Variants in PPP1R12B observed in about 807,000 individuals in gnomAD.
The protein encoded by PPP1R12B is protein phosphatase 1 regulatory subunit 12B.
Under a neutral mutation model 126.1 loss-of-function variants are expected in PPP1R12B, and 76 were observed. That is an observed-to-expected ratio of 0.60 (90% CI 0.50 to 0.73). PPP1R12B has a LOEUF of 0.73. Ranked by LOEUF, PPP1R12B falls within the 30% of genes least tolerant of loss-of-function variation. PPP1R12B has a pLI of 0.00. For missense variants in PPP1R12B, 1,052 were observed against 1,205.1 expected (o/e 0.87, Z 1.88); for synonymous variants, 356 against 434.7 (o/e 0.82, Z 2.25).
intron 1 of PPP1R12B, among the ~76,000 whole-genome samples, chr1:202,366,761 T>G (rs1289169027): frequency 6.6e-6 from 1 of 152,164 alleles, no homozygotes; most frequent in Admixed American, 6.6e-5. Flanking sequence ...GTGGTGCTAT[T>G]AGAGCAAATT....
chr1:202,428,781 A>T (rs2148656072), intron 5 of PPP1R12B, 74 bp from the exon 6 acceptor site: 4 of 1,400,934 alleles, frequency 2.9e-6, no homozygotes, highest in Middle Eastern at 1.8e-4. Context: ...ACTTTTGAAT[A>T]GTTCCCTACT....
chr1:202,426,809 A>G (rs1256280809), intron 4 of PPP1R12B, among the ~76,000 whole-genome samples: 1 of 152,234 alleles, frequency 6.6e-6, no homozygotes, highest in Non-Finnish European at 1.5e-5. Context: ...TAAAATGGAT[A>G]TGCCTAGGAA....
chr1:202,537,554 A>G (rs1289769349), intron 18 of PPP1R12B, among the ~76,000 whole-genome samples: 1 of 152,212 alleles, frequency 6.6e-6, no homozygotes, highest in African/African-American at 2.4e-5. Flanking sequence ...TATAAAATAT[A>G]AAAGAGTTTG....
intron 18 of PPP1R12B, chr1:202,502,599 C>G: frequency 2.2e-6 from 1 of 464,036 alleles, no homozygotes; most frequent in Non-Finnish European, 2.8e-6. Context: ...AATTTACATT[C>G]TAGTGGGGGA....
intron 13 of PPP1R12B, among the ~76,000 whole-genome samples, chr1:202,464,298 A>G (rs1674698689): frequency 6.6e-6 from 1 of 152,182 alleles, no homozygotes; most frequent in Non-Finnish European, 1.5e-5. Context: ...TGATGGGTAA[A>G]TGTTTATTGA....
At chr1:202,562,652 T>A in intron 19 of PPP1R12B, 126 bp from the exon 20 acceptor site, 2 of 1,049,798 alleles carry the variant, frequency 1.9e-6, no homozygotes, top group Non-Finnish European at 3.0e-6. Flanking sequence ...AAGAATGTTA[T>A]GAGTTGTTTC....
In PPP1R12B at chr1:202,586,210, C is replaced by T. The variant is rs992340716; in HGVS notation, c.*5650C>T. On this transcript the variant is annotated 3_prime_UTR_variant, in exon 24 of 24. Coordinates refer to ENST00000608999, the MANE Select transcript of PPP1R12B (RefSeq NM_002481.4). The stretch of plus-strand genomic sequence containing the variant: ...ACCCAGAGTCCACACAACCATATTG[C>T]ATAGAACAGCACTTGGCTTTCACAA... The T allele has an allele frequency of 6.6e-6, 1 of 152,272 alleles. No individual in the cohort carries two copies. The highest frequency in any genetic ancestry group is 1.5e-5 in the Non-Finnish European group (1 of 68,086). The allele number at this position is 152,272 out of a possible 1,614,324, so 9.4% of individuals were successfully genotyped here. A position where few individuals can be genotyped will look rare whatever the true frequency, so the allele number is the denominator to read the frequency against.
chr1:202,533,120 C>A (rs1322640742), intron 18 of PPP1R12B, among the ~76,000 whole-genome samples: 1 of 152,136 alleles, frequency 6.6e-6, no homozygotes, highest in Non-Finnish European at 1.5e-5. Context: ...CTGCCCGCCT[C>A]AGCCTCCCAA....
intron 8 of PPP1R12B, among the ~76,000 whole-genome samples, chr1:202,432,896 AC>A (rs1553283343): frequency 1.3e-5 from 2 of 152,194 alleles, no homozygotes; most frequent in Non-Finnish European, 2.9e-5. Flanking sequence ...TTGTCTGGCC[AC>A]CAGCTCCTGA....
intron 23 of PPP1R12B, chr1:202,575,034 G>C (rs1164020591): frequency 1.2e-6 from 2 of 1,613,324 alleles, no homozygotes; most frequent in Admixed American, 3.3e-5. Flanking sequence ...TTCAAACCTT[G>C]AAGCAGATGA....
intron 18 of PPP1R12B, among the ~76,000 whole-genome samples, chr1:202,528,119 G>C (rs2148931541): frequency 6.6e-6 from 1 of 152,268 alleles, no homozygotes; most frequent in African/African-American, 2.4e-5. Context: ...CCGTAAGATA[G>C]CTAGGTCACT....
chr1:202,360,515 C>T (rs1180447961), intron 1 of PPP1R12B, among the ~76,000 whole-genome samples: 1 of 151,978 alleles, frequency 6.6e-6, no homozygotes, highest in Admixed American at 6.6e-5. Flanking sequence ...TCGAGACCAG[C>T]CTGCCAAACA....
chr1:202,579,512 C>A (rs1352410823), intron 23 of PPP1R12B, among the ~76,000 whole-genome samples: 1 of 152,244 alleles, frequency 6.6e-6, no homozygotes, highest in East Asian at 1.9e-4. Context: ...GTACCCTTAT[C>A]AACATCCCAT....
intron 13 of PPP1R12B, among the ~76,000 whole-genome samples, chr1:202,475,310 G>A (rs1467171540): frequency 6.6e-6 from 1 of 152,174 alleles, no homozygotes; most frequent in Admixed American, 6.5e-5. Flanking sequence ...TTTATAGTTT[G>A]TTCATGGCAG....
intron 23 of PPP1R12B, among the ~76,000 whole-genome samples, chr1:202,570,190 C>CTGGGATAGTAT (rs1288256465): frequency 2.6e-5 from 4 of 152,090 alleles, no homozygotes; most frequent in Non-Finnish European, 5.9e-5. Context: ...AGCCAAAGCA[C>CTGGGATAGTAT]TGGGATAGTA....
intron 13 of PPP1R12B, among the ~76,000 whole-genome samples, chr1:202,451,055 A>G (rs1333890702): frequency 2.0e-5 from 3 of 148,200 alleles, no homozygotes; most frequent in Non-Finnish European, 3.0e-5. Flanking sequence ...TATAGTTTTC[A>G]TTGTAAAGAT....
intron 14 of PPP1R12B, among the ~76,000 whole-genome samples, chr1:202,491,955 C>T (rs1678936363): frequency 6.6e-6 from 1 of 152,138 alleles, no homozygotes; most frequent in Non-Finnish European, 1.5e-5. Context: ...TATCCTCATT[C>T]TCTCTCTGTC....
At position 202,586,062 on chromosome 1, in the gene PPP1R12B, A is replaced by G. The variant is rs911764515; in HGVS notation, c.*5502A>G. 19 of 152,234 alleles carry G rather than the reference A, an allele frequency of 1.2e-4. No individual in the cohort carries two copies. Among genetic ancestry groups the G allele is most frequent in the Non-Finnish European group, 2.5e-4 (17 of 68,046 alleles). The allele number at this position is 152,234 out of a possible 1,614,324, so 9.4% of individuals were successfully genotyped here. On this transcript the variant is annotated 3_prime_UTR_variant, in exon 24 of 24. Transcript: ENST00000608999. ...TTCCTCGACAAGAACCTCAATCTTT[A>G]GTTCCATTGAGCTCCCCCTCTGGAT...
intron 2 of PPP1R12B, among the ~76,000 whole-genome samples, chr1:202,421,321 A>G (rs1327396992): frequency 1.4e-5 from 2 of 138,782 alleles, no homozygotes; most frequent in African/African-American, 2.8e-5. Flanking sequence ...TTTTTTTTTT[A>G]AATCTCCTAC....
Sources: gnomAD v4.1 joint callset for allele counts (sites outside exome capture counted in the v4.1 genomes callset) on GRCh38, gnomAD v4.1.1 for gene constraint, MANE v1.5 for transcripts, NCBI Gene and HGNC (gene_info 2026-07-23, HGNC 2026-07-21) for gene names.